The following PTGER3 variants were observed in gnomAD, a reference collection of about 807,000 sequenced individuals.
PTGER3 encodes the protein prostaglandin E receptor 3.
PTGER3 carries 22 observed loss-of-function variants against 34.7 expected under a neutral mutation model. The observed-to-expected ratio is 0.63, with a 90% CI of 0.45 to 0.91. PTGER3 has a LOEUF of 0.91. PTGER3 is among the 40% of genes least tolerant of loss of function. The pLI is 0.00. For missense variants in PTGER3, 468 were observed against 519.4 expected (o/e 0.90, Z 0.96); for synonymous variants, 241 against 230.1 (o/e 1.05, Z -0.43).
At chr1:70,983,604 T>A (rs1174438404) in intron 2 of PTGER3, among the ~76,000 whole-genome samples, 3 of 152,204 alleles carry the variant, frequency 2.0e-5, no homozygotes. Context: ...TGATTTGCTG[T>A]CTGATTTAGA....
chr1:70,949,993 A>C (rs2100578826), downstream of PTGER3, among the ~76,000 whole-genome samples: 1 of 149,720 alleles, frequency 6.7e-6, no homozygotes, highest in African/African-American at 2.4e-5. Context: ...CAAATCTAAA[A>C]GAGTAAATGT....
intron 2 of PTGER3, among the ~76,000 whole-genome samples, chr1:70,956,647 C>A (rs984215281): frequency 1.3e-5 from 2 of 152,156 alleles, no homozygotes; most frequent in African/African-American, 2.4e-5. Flanking sequence ...TTGGTGCCAA[C>A]AACTGGACTA....
At chr1:70,951,169 C>G (rs1023636558), downstream of PTGER3, 1 of 152,188 alleles carries the variant, frequency 6.6e-6, no homozygotes, top group Non-Finnish European at 1.5e-5. Flanking sequence ...CCTTACCTAA[C>G]TTTTTATAAC....
chr1:71,034,617 A>G (rs1266207759), intron 1 of PTGER3, among the ~76,000 whole-genome samples: 1 of 152,250 alleles, frequency 6.6e-6, no homozygotes, highest in Non-Finnish European at 1.5e-5. Context: ...AAATAAATGT[A>G]GTATTGCTCT....
intron 4 of PTGER3, among the ~76,000 whole-genome samples, chr1:70,921,256 T>A (rs981762884): frequency 3.9e-5 from 6 of 152,090 alleles, no homozygotes; most frequent in Admixed American, 3.3e-4. Context: ...CAAGTGTATA[T>A]CACTTAATGT....
At chr1:70,936,734 A>G (rs1001628259) in intron 4 of PTGER3, among the ~76,000 whole-genome samples, 8 of 152,222 alleles carry the variant, frequency 5.3e-5, no homozygotes, top group African/African-American at 1.7e-4. Flanking sequence ...TTCACTGTAA[A>G]TTCATACTTC....
At chr1:70,937,516 C>T (rs1649335702) in intron 4 of PTGER3, among the ~76,000 whole-genome samples, 1 of 152,006 alleles carries the variant, frequency 6.6e-6, no homozygotes, top group African/African-American at 2.4e-5. Context: ...GCAAAGTGGA[C>T]CAAGATGAAT....
chr1:70,864,746 A>G (rs1572488681), intron 4 of PTGER3, among the ~76,000 whole-genome samples: 1 of 152,214 alleles, frequency 6.6e-6, no homozygotes, highest in Non-Finnish European at 1.5e-5. Context: ...CATTAACTGG[A>G]CAACAATTTT....
intron 4 of PTGER3, among the ~76,000 whole-genome samples, chr1:70,906,419 T>G (rs1313687982): frequency 1.3e-5 from 2 of 152,158 alleles, no homozygotes; most frequent in African/African-American, 4.8e-5. Flanking sequence ...ACAGAATTAT[T>G]AAATCAGAAT....
intron 4 of PTGER3, among the ~76,000 whole-genome samples, chr1:70,858,478 C>G (rs1645858935): frequency 6.6e-6 from 1 of 152,068 alleles, no homozygotes; most frequent in South Asian, 2.1e-4. Context: ...TGAGTTTTAG[C>G]AAACAACCTG....
intron 2 of PTGER3, chr1:71,007,831 A>G (rs1170736460): frequency 5.1e-6 from 5 of 984,862 alleles, no homozygotes; most frequent in African/African-American, 1.7e-5. Context: ...ATTCTAAAGC[A>G]TTTAACAATA....
intron 3 of PTGER3, among the ~76,000 whole-genome samples, chr1:70,973,105 C>T (rs1450640344): frequency 6.7e-6 from 1 of 148,440 alleles, no homozygotes; most frequent in African/African-American, 2.5e-5. Context: ...AACAGCAAAA[C>T]AGTACCCAGT....
chr1:71,033,865 C>T (rs776067633), intron 1 of PTGER3, among the ~76,000 whole-genome samples: 4 of 151,928 alleles, frequency 2.6e-5, no homozygotes, highest in African/African-American at 4.8e-5. Flanking sequence ...CTCCTTCTGC[C>T]GTGGTCAAGG....
At chr1:70,940,123 T>G (rs1037707863) in intron 4 of PTGER3, among the ~76,000 whole-genome samples, 2 of 152,210 alleles carry the variant, frequency 1.3e-5, no homozygotes, top group Admixed American at 1.3e-4. Context: ...TTTCTCAAGT[T>G]CAAAGTTTCA....
chr1:70,950,245 G>A (rs562622818), downstream of PTGER3, among the ~76,000 whole-genome samples: 16 of 152,296 alleles, frequency 1.1e-4, no homozygotes, highest in East Asian at 2.7e-3. Context: ...GACATCCTGA[G>A]TGCCTTACTT....
intron 4 of PTGER3, among the ~76,000 whole-genome samples, chr1:70,938,570 A>G (rs1649459114): frequency 6.6e-6 from 1 of 152,172 alleles, no homozygotes; most frequent in Admixed American, 6.6e-5. Flanking sequence ...CATACCTGAG[A>G]CTGGGAAGAA....
At chr1:71,018,967 G>A (rs1658162292) in intron 1 of PTGER3, among the ~76,000 whole-genome samples, 1 of 152,162 alleles carries the variant, frequency 6.6e-6, no homozygotes, top group Admixed American at 6.5e-5. Flanking sequence ...GGAATTAGAA[G>A]CAGTGAGCAT....
intron 4 of PTGER3, among the ~76,000 whole-genome samples, chr1:70,919,729 C>G (rs965640848): frequency 6.6e-6 from 1 of 151,994 alleles, no homozygotes; most frequent in South Asian, 2.1e-4. Context: ...TAAGATATGG[C>G]CATTGCTTAC....
chr1:70,952,711 A>G, exon 4 of PTGER3: 6 of 1,239,812 alleles, frequency 4.8e-6, no homozygotes, highest in Non-Finnish European at 6.1e-6. Flanking sequence ...AGTTCGAGTG[A>G]CCAACCAGTT....
Sources: allele counts gnomAD v4.1 joint callset (sites outside exome capture counted in the v4.1 genomes callset), GRCh38; gene constraint gnomAD v4.1.1; transcripts MANE v1.5; gene names NCBI Gene and HGNC (gene_info 2026-07-23, HGNC 2026-07-21).